Variants in CERK observed in about 807,000 individuals in gnomAD.
CERK encodes the protein acylsphingosine kinase.
A neutral mutation model predicts 63.4 loss-of-function variants in CERK; 39 were observed. The observed-to-expected ratio is 0.61, with a 90% confidence interval of 0.48 to 0.80. The LOEUF (loss-of-function observed/expected upper bound fraction) is 0.80, where lower values mean the gene tolerates loss of function less well. Among genes scored for constraint, CERK ranks in the 30% least tolerant of loss-of-function variants. The probability of loss-of-function intolerance (pLI) is 0.00; values close to 1 mark genes in which losing one functional copy is unlikely to be tolerated. For missense variants in CERK, 670 were observed against 714.1 expected (o/e 0.94, Z 0.70); for synonymous variants, 302 against 280.0 (o/e 1.08, Z -0.78).
Position 46,690,063 on chromosome 22 carries a change from G to T in CERK, c.1470C>A (p.Cys490Ter). 6.2e-7 allele frequency: 1 copy of T among 1,613,776 alleles called. No individual in the cohort carries two copies. Among genetic ancestry groups the T allele is most frequent in the Non-Finnish European group, 8.5e-7 (1 of 1,179,984 alleles). Residue 490 changes from cysteine (C) to a stop codon, truncating the protein, a stop_gained, in exon 12 of 13, where the codon TGC (cysteine) becomes TGA (stop). Transcript: ENST00000216264. LOFTEE classifies it high-confidence loss of function. ...FGHICSSHPSCCCTVSNSSWN... is the reference protein window; with the variant it reads ...FGHICSSHPS ...AGGAGCTGTTGGAGACGGTGCAGCAGCAGGAGGGGTGGCTGCTGCAAATGT... is the reference window on the plus strand; with the variant it reads ...AGGAGCTGTTGGAGACGGTGCAGCATCAGGAGGGGTGGCTGCTGCAAATGT...
chr22:46,710,189 G>A (rs1261154971), intron 5 of CERK, among the ~76,000 whole-genome samples: 1 of 152,212 alleles, frequency 6.6e-6, no homozygotes, highest in African/African-American at 2.4e-5. Context: ...AGCACTTTGG[G>A]AGGCTGAGGC....
chr22:46,701,181 T>G (rs563477629), intron 7 of CERK, among the ~76,000 whole-genome samples: 2 of 152,298 alleles, frequency 1.3e-5, no homozygotes, highest in East Asian at 3.9e-4. Context: ...CTGCTCTTCC[T>G]GACCGGGGCT....
intron 1 of CERK, among the ~76,000 whole-genome samples, chr22:46,723,281 C>T (rs953515627): frequency 6.6e-6 from 1 of 152,158 alleles, no homozygotes; most frequent in East Asian, 1.9e-4. Context: ...AATAGAGGAA[C>T]AAAATTCAAT....
At chr22:46,707,557 C>T (rs1291999437) in intron 6 of CERK, among the ~76,000 whole-genome samples, 1 of 152,210 alleles carries the variant, frequency 6.6e-6, no homozygotes, top group Admixed American at 6.5e-5. Context: ...TGCTCCCGGG[C>T]ACCGGGGGTT....
intron 8 of CERK, among the ~76,000 whole-genome samples, chr22:46,695,690 G>A (rs1300834793): frequency 6.6e-6 from 1 of 152,224 alleles, no homozygotes; most frequent in African/African-American, 2.4e-5. Flanking sequence ...CTCTTCATGA[G>A]GGTCAGTGAT....
At chr22:46,735,074 C>CAA (rs2082966263) in intron 1 of CERK, 2 of 118,940 alleles carry the variant, frequency 1.7e-5, no homozygotes, top group African/African-American at 5.5e-5. Context: ...CCCTCACCCC[C>CAA]CAACACACAC....
chr22:46,700,222 C>T (rs568621270), intron 7 of CERK, among the ~76,000 whole-genome samples: 28 of 150,342 alleles, frequency 1.9e-4, no homozygotes, highest in African/African-American at 5.9e-4. Context: ...GGTGAAACCC[C>T]GTCTCTACTA....
chr22:46,699,787 C>A (rs1353312704), intron 7 of CERK, among the ~76,000 whole-genome samples: 1 of 152,160 alleles, frequency 6.6e-6, no homozygotes, highest in Non-Finnish European at 1.5e-5. Context: ...AAGTACATGG[C>A]ATTTTAAAAT....
intron 3 of CERK, among the ~76,000 whole-genome samples, chr22:46,717,365 G>A (rs1690417864): frequency 6.6e-6 from 1 of 152,204 alleles, no homozygotes; most frequent in Non-Finnish European, 1.5e-5. Flanking sequence ...CCCACATCAG[G>A]AAGCTGTCCA....
intron 9 of CERK, chr22:46,693,839 A>G: frequency 2.9e-6 from 1 of 344,112 alleles, no homozygotes; most frequent in Non-Finnish European, 5.6e-6. Context: ...CCCCCAGCGG[A>G]CTCCTGGGGT....
chr22:46,735,637 G>A (rs548113238), intron 1 of CERK: 1 of 152,364 alleles, frequency 6.6e-6, no homozygotes, highest in African/African-American at 2.4e-5. Flanking sequence ...TCATCTCACA[G>A]GTCCTCCTAG....
intron 1 of CERK, among the ~76,000 whole-genome samples, chr22:46,734,000 C>T (rs1006676758): frequency 1.3e-5 from 2 of 151,910 alleles, no homozygotes; most frequent in Non-Finnish European, 2.9e-5. Flanking sequence ...CTTGCCACTT[C>T]ACTCCAGCCT....
chr22:46,702,439 G>A (rs967941422), intron 6 of CERK, among the ~76,000 whole-genome samples: 4 of 151,958 alleles, frequency 2.6e-5, no homozygotes, highest in Non-Finnish European at 5.9e-5. Context: ...TTACAGGCAC[G>A]CGCCACCACG....
intron 3 of CERK, among the ~76,000 whole-genome samples, chr22:46,713,075 A>G (rs536960864): frequency 1.3e-5 from 2 of 152,174 alleles, no homozygotes; most frequent in South Asian, 4.2e-4. Flanking sequence ...CCATTTTCTT[A>G]TAACAACTTC....
chr22:46,726,770 G>A (rs970314879), intron 1 of CERK, among the ~76,000 whole-genome samples: 3 of 141,516 alleles, frequency 2.1e-5, no homozygotes, highest in Non-Finnish European at 4.6e-5. Context: ...ACTGTCCCCC[G>A]CCCCTCCCCG....
At chr22:46,733,663 G>C (rs917381795) in intron 1 of CERK, among the ~76,000 whole-genome samples, 1 of 151,940 alleles carries the variant, frequency 6.6e-6, no homozygotes. Context: ...AAATAATCTA[G>C]CTTTTTCTTT....
intron 1 of CERK, among the ~76,000 whole-genome samples, chr22:46,734,617 T>TA (rs562655695): frequency 1.3e-3 from 200 of 152,352 alleles, no homozygotes; most frequent in African/African-American, 4.7e-3. Flanking sequence ...CTATGTGCCT[T>TA]AAAATGTCTG....
chr22:46,710,452 T>C (rs979983260), intron 5 of CERK, among the ~76,000 whole-genome samples: 2 of 148,224 alleles, frequency 1.3e-5, no homozygotes, highest in Non-Finnish European at 3.0e-5. Flanking sequence ...AAAAAAAGAA[T>C]GTAAGTTAAT....
chr22:46,738,227 G>C lies in CERK; in HGVS notation c.-79C>G, dbSNP rs1352748147. On this transcript the variant is annotated 5_prime_UTR_variant, in exon 1 of 13. Coordinates refer to ENST00000216264, the MANE Select transcript of CERK (RefSeq NM_022766.6). ...CCGGACCGTTAGCGGCCCCTGCAGT[G>C]GCCCGGGCGGCGGGCGGCGGGCGGC... is the stretch of plus-strand genomic sequence containing the variant. 4.5e-5 allele frequency: 42 copies of C among 923,844 alleles called. No individual in the cohort carries two copies. Among genetic ancestry groups the C allele is most frequent in the African/African-American group, 5.5e-5 (3 of 54,152 alleles). 57.2% of individuals were successfully genotyped at this position (923,844 alleles called of 1,614,324 possible). A position where few individuals can be genotyped will look rare whatever the true frequency, so the allele number is the denominator to read the frequency against.
Sources: allele counts gnomAD v4.1 joint callset (sites outside exome capture counted in the v4.1 genomes callset), GRCh38; gene constraint gnomAD v4.1.1; transcripts MANE v1.5; gene names NCBI Gene and HGNC (gene_info 2026-07-23, HGNC 2026-07-21).